DGKI: variants seen among roughly 807,000 people sequenced by gnomAD.
DGKI encodes the protein DAG kinase iota.
DGKI carries 55 observed loss-of-function variants against 147.5 expected under a neutral mutation model. That is an observed-to-expected ratio of 0.37 (90% CI 0.30 to 0.47). DGKI has a LOEUF of 0.47. Ranked by LOEUF, DGKI falls within the 20% of genes least tolerant of loss-of-function variation. The probability of loss-of-function intolerance (pLI) is 1.00; values close to 1 mark genes in which losing one functional copy is unlikely to be tolerated. For synonymous variants in DGKI, 469 were observed against 477.1 expected (o/e 0.98, Z 0.22); for missense variants, 1,007 against 1,323.8 (o/e 0.76, Z 3.71).
intron 21 of DGKI, among the ~76,000 whole-genome samples, chr7:137,508,123 C>T (rs1197197501): frequency 6.6e-6 from 1 of 150,642 alleles, no homozygotes; most frequent in Non-Finnish European, 1.5e-5. Flanking sequence ...TGGGTAGATA[C>T]TAATAGGTTT....
At chr7:137,742,976 G>A (rs574438635) in intron 1 of DGKI, among the ~76,000 whole-genome samples, 13 of 152,248 alleles carry the variant, frequency 8.5e-5, no homozygotes, top group South Asian at 4.1e-4. Flanking sequence ...AGCAGGAGTC[G>A]CTAATCTTGA....
intron 12 of DGKI, among the ~76,000 whole-genome samples, chr7:137,589,055 T>A (rs138554166): frequency 3.9e-5 from 6 of 152,308 alleles, no homozygotes; most frequent in African/African-American, 1.4e-4. Context: ...AACCCCCTTC[T>A]GGATATGGCC....
chr7:137,703,032 A>C lies in DGKI; in HGVS notation c.402-13030T>G, dbSNP rs376480266. Among the ~76,000 whole-genome samples, 26 of 152,312 alleles carry C rather than the reference A, an allele frequency of 1.7e-4. No individual in the cohort carries two copies. In the East Asian group the frequency reaches 3.5e-3, roughly 20 times the overall value. ...AATTTAGAAGACCATGCACAGGTGG[A>C]AGACTGTTCTCACACTGCTATAAAG... is the stretch of plus-strand genomic sequence containing the variant. On this transcript the variant is annotated intron_variant, in intron 1 of 32. Coordinates refer to ENST00000614521, the MANE Select transcript of DGKI (RefSeq NM_001321708.2).
At chr7:137,563,167 A>G (rs1818473494) in intron 19 of DGKI, among the ~76,000 whole-genome samples, 1 of 151,254 alleles carries the variant, frequency 6.6e-6, no homozygotes, top group African/African-American at 2.4e-5. Flanking sequence ...TTGTATGTCA[A>G]TTTCACAGAT....
At chr7:137,609,438 T>C (rs1470749624) in intron 9 of DGKI, 97 bp downstream of exon 9, 2 of 865,786 alleles carry the variant, frequency 2.3e-6, no homozygotes, top group Non-Finnish European at 3.7e-6. Context: ...TAGTAGAAGA[T>C]AGATCAGAAA....
At chr7:137,437,085 G>A (rs1813314607) in intron 28 of DGKI, among the ~76,000 whole-genome samples, 1 of 152,152 alleles carries the variant, frequency 6.6e-6, no homozygotes, top group African/African-American at 2.4e-5. Flanking sequence ...CTCACTTTGG[G>A]ATCAGGAACA....
intron 1 of DGKI, among the ~76,000 whole-genome samples, chr7:137,700,615 T>C (rs1823944501): frequency 6.6e-6 from 1 of 152,202 alleles, no homozygotes; most frequent in South Asian, 2.1e-4. Context: ...CAGTGGCTTA[T>C]GCCTGTAATC....
Position 137,426,229 on chromosome 7 carries a change from A to T in DGKI, c.2762-14022T>A, listed in dbSNP as rs191179371. 5.0e-3 allele frequency among the ~76,000 whole-genome samples: 766 copies of T among 152,306 alleles called. 10 individuals are homozygous for T. The highest frequency in any genetic ancestry group is 0.018 in the African/African-American group (728 of 41,568). On this transcript the variant is annotated intron_variant, in intron 28 of 32. Transcript: ENST00000614521. ...GCAGAAACTCTACAAGCCAGAAGAG[A>T]GTGGGGGCCGATATTCAACATTCTT...
intron 21 of DGKI, among the ~76,000 whole-genome samples, chr7:137,503,557 G>C (rs753914284): frequency 2.6e-5 from 4 of 152,116 alleles, no homozygotes. Context: ...TTTCAGTCTG[G>C]CTAGCCTGTG....
chr7:137,404,698 C>T (rs74977317), intron 30 of DGKI, among the ~76,000 whole-genome samples: 3,452 of 152,192 alleles, frequency 0.023, 124 homozygotes, highest in African/African-American at 0.079. Context: ...TGTTTCTTCT[C>T]GTGAGCATAA....
chr7:137,640,017 T>TG (rs1236533901), intron 6 of DGKI, among the ~76,000 whole-genome samples: 1 of 152,012 alleles, frequency 6.6e-6, no homozygotes, highest in South Asian at 2.1e-4. Flanking sequence ...TTTTTTTTTT[T>TG]TTGGTGGTGG....
Position 137,381,308 on chromosome 7 carries a change from C to T in DGKI, c.*9912G>A, listed in dbSNP as rs958329564. 1 of 121,578 alleles carries T rather than the reference C, an allele frequency of 8.2e-6. No homozygotes were observed. Among genetic ancestry groups the T allele is most frequent in the East Asian group, 3.1e-4 (1 of 3,256 alleles). The allele number at this position is 121,578 out of a possible 1,614,324, so 7.5% of individuals were successfully genotyped here. A position where few individuals can be genotyped will look rare whatever the true frequency, so the allele number is the denominator to read the frequency against. On this transcript the variant is annotated 3_prime_UTR_variant, in exon 33 of 33. Coordinates refer to ENST00000614521, the MANE Select transcript of DGKI (RefSeq NM_001321708.2). ...ATCCCACCCCCCCCCCCCCACCCAC[C>T]CTCCCTCCACTTCGTATTATCTGAA...
At chr7:137,421,724 A>C (rs1298760454) in intron 28 of DGKI, among the ~76,000 whole-genome samples, 1 of 152,236 alleles carries the variant, frequency 6.6e-6, no homozygotes, top group African/African-American at 2.4e-5. Flanking sequence ...ATTAAGTCAT[A>C]AGCATGAGGA....
intron 1 of DGKI, among the ~76,000 whole-genome samples, chr7:137,728,336 C>T (rs1369031901): frequency 2.0e-5 from 3 of 152,092 alleles, no homozygotes; most frequent in Non-Finnish European, 2.9e-5. Flanking sequence ...ACTTTGTCAG[C>T]ACATTAAAGA....
At chr7:137,612,165 G>T (rs933397436) in intron 8 of DGKI, among the ~76,000 whole-genome samples, 6 of 148,738 alleles carry the variant, frequency 4.0e-5, no homozygotes, top group African/African-American at 1.5e-4. Flanking sequence ...CTTGATGTCT[G>T]AAAACAGAGC....
At chr7:137,695,101 G>A (rs759565643) in intron 1 of DGKI, among the ~76,000 whole-genome samples, 7 of 152,056 alleles carry the variant, frequency 4.6e-5, no homozygotes, top group Admixed American at 1.3e-4. Context: ...ATTATTCTAC[G>A]TTTGTTACCT....
At chr7:137,574,507 T>A (rs948003377) in intron 17 of DGKI, among the ~76,000 whole-genome samples, 3 of 152,206 alleles carry the variant, frequency 2.0e-5, no homozygotes, top group Non-Finnish European at 2.9e-5. Flanking sequence ...TATTATTGTA[T>A]TTAGAACAGA....
intron 5 of DGKI, among the ~76,000 whole-genome samples, chr7:137,653,942 G>T (rs915823401): frequency 1.2e-4 from 18 of 152,166 alleles, no homozygotes; most frequent in African/African-American, 4.1e-4. Flanking sequence ...CACTGATTAG[G>T]GAGTGCAATT....
chr7:137,770,115 C>A (rs1387845421), intron 1 of DGKI, among the ~76,000 whole-genome samples: 1 of 152,222 alleles, frequency 6.6e-6, no homozygotes, highest in Non-Finnish European at 1.5e-5. Flanking sequence ...AAATGTGGCA[C>A]ATATACACCA....
Sources: gnomAD v4.1 joint callset for allele counts (sites outside exome capture counted in the v4.1 genomes callset) on GRCh38, gnomAD v4.1.1 for gene constraint, MANE v1.5 for transcripts, NCBI Gene and HGNC (gene_info 2026-07-23, HGNC 2026-07-21) for gene names.